The following STK3 variants were observed in gnomAD, a reference collection of about 807,000 sequenced individuals.
The protein encoded by STK3 is serine/threonine kinase 3, also known as serine/threonine-protein kinase 3.
A neutral mutation model predicts 58.0 loss-of-function variants in STK3; 41 were observed. The ratio of observed to expected loss-of-function variants is 0.71; its 90% CI spans 0.55 to 0.92. The LOEUF is 0.92. STK3 is among the 40% of genes least tolerant of loss of function. STK3 has a pLI of 0.00. For missense variants in STK3, 479 were observed against 602.7 expected, an observed-to-expected ratio of 0.79 and a Z score of 2.15; for synonymous variants, 170 against 191.0, an observed-to-expected ratio of 0.89 and a Z score of 0.91.
chr8:98,761,073 A>G (rs1349980143), intron 3 of STK3, among the ~76,000 whole-genome samples: 1 of 152,130 alleles, frequency 6.6e-6, no homozygotes. Context: ...TCATATAATT[A>G]AATAAAGAAA....
intron 4 of STK3, chr8:98,721,182 T>C (rs1827394121): frequency 1.1e-6 from 1 of 896,794 alleles, no homozygotes; most frequent in Non-Finnish European, 1.3e-6. Context: ...AATATATAAA[T>C]CAAAGATTTA....
intron 8 of STK3, among the ~76,000 whole-genome samples, chr8:98,561,766 T>G (rs1474615955): frequency 6.6e-6 from 1 of 152,168 alleles, no homozygotes; most frequent in Non-Finnish European, 1.5e-5. Context: ...GTTAAATACT[T>G]ACTTTATAAA....
upstream of STK3, chr8:98,825,804 C>G (rs1286280965): frequency 1.8e-4 from 11 of 62,836 alleles, 2 homozygotes; most frequent in African/African-American, 6.5e-4. Flanking sequence ...GGCCGCCCCG[C>G]CCCGCCCCCG....
At chr8:98,694,873 G>A (rs899722053) in intron 6 of STK3, among the ~76,000 whole-genome samples, 2 of 152,152 alleles carry the variant, frequency 1.3e-5, no homozygotes, top group Non-Finnish European at 2.9e-5. Flanking sequence ...CCCAGTAATG[G>A]GATGGCTGGG....
rs778645170 is a variant in STK3, at chr8:98,774,729, T to C, written c.107+10A>G. On this transcript the variant is annotated intron_variant, in intron 2 of 10. Transcript: ENST00000419617. ...AATTATTTACATGCTTTCATACTTT[T>C]TGTACTTACCCTTCTCCAAGCTTCT... 6.4e-7 allele frequency: 1 copy of C among 1,562,076 alleles called. No homozygotes were observed. Among genetic ancestry groups the C allele is most frequent in the Middle Eastern group, 1.7e-4 (1 of 5,918 alleles).
intron 1 of STK3, among the ~76,000 whole-genome samples, chr8:98,795,619 A>G (rs1833108543): frequency 6.6e-6 from 1 of 152,152 alleles, no homozygotes; most frequent in Non-Finnish European, 1.5e-5. Flanking sequence ...TTCACGGAAA[A>G]TATGGTTCTA....
At chr8:98,728,408 T>C (rs746059566) in intron 4 of STK3, among the ~76,000 whole-genome samples, 1 of 152,168 alleles carries the variant, frequency 6.6e-6, no homozygotes, top group Non-Finnish European at 1.5e-5. Flanking sequence ...GGATTGCACA[T>C]GTCTGGCAAG....
chr8:98,479,553 A>G lies in STK3; in HGVS notation c.1318-23553T>C, dbSNP rs561494617. 2.0e-5 allele frequency among the ~76,000 whole-genome samples: 3 copies of G among 151,330 alleles called. No individual in the cohort carries two copies. In the South Asian group the frequency reaches 6.3e-4, roughly 32 times the overall value. ...GAGTTCAGCTTTTGCTAGGTCAGAG[A>G]AAGTTCTTAACAGACTAACTCTTTT... On this transcript the variant is annotated intron_variant, in intron 10 of 10. Transcript: ENST00000419617.
At chr8:98,940,161 C>T (rs1262977654) in intron 1 of STK3, among the ~76,000 whole-genome samples, 3 of 151,986 alleles carry the variant, frequency 2.0e-5, no homozygotes, top group Non-Finnish European at 1.5e-5. Flanking sequence ...GGCCTGGAGA[C>T]CGCGGAGCCC....
At chr8:98,760,572 T>C (rs1251150563) in intron 3 of STK3, among the ~76,000 whole-genome samples, 1 of 152,184 alleles carries the variant, frequency 6.6e-6, no homozygotes, top group Non-Finnish European at 1.5e-5. Flanking sequence ...CCTTAATAAC[T>C]AGCATGCCAA....
intron 10 of STK3, among the ~76,000 whole-genome samples, chr8:98,487,546 T>C (rs936608639): frequency 6.6e-6 from 1 of 152,226 alleles, no homozygotes; most frequent in African/African-American, 2.4e-5. Flanking sequence ...CAAAACTCAG[T>C]CTAAATTTTT....
chr8:98,407,969 C>T (rs1049317876), intron 3 of STK3, among the ~76,000 whole-genome samples: 2 of 152,190 alleles, frequency 1.3e-5, no homozygotes, highest in Non-Finnish European at 2.9e-5. Flanking sequence ...CCATTATACT[C>T]GCAGTGAACC....
In STK3 at chr8:98,707,407, T is replaced by C. The variant is rs1826042000; in HGVS notation, c.352-96A>G. ...TAACAAGTATGTCTTTCCGTGTGTG[T>C]GTGTGTGTTTTTTTTTAAGAGACCC... is the stretch of plus-strand genomic sequence containing the variant. On this transcript the variant is annotated intron_variant, in intron 4 of 10. Coordinates refer to ENST00000419617, the MANE Select transcript of STK3 (RefSeq NM_006281.4). 3 of 957,466 alleles carry C rather than the reference T, an allele frequency of 3.1e-6. No homozygotes were observed. In the African/African-American group the frequency reaches 5.0e-5, roughly 16 times the overall value. The allele number at this position is 957,466 out of a possible 1,614,324, so 59.3% of individuals were successfully genotyped here. A position where few individuals can be genotyped will look rare whatever the true frequency, so the allele number is the denominator to read the frequency against.
chr8:98,617,539 G>C (rs1164846802), intron 6 of STK3, among the ~76,000 whole-genome samples: 2 of 150,896 alleles, frequency 1.3e-5, no homozygotes, highest in African/African-American at 2.4e-5. Flanking sequence ...TTTTTTGAAA[G>C]GATCAACAAA....
chr8:98,681,133 G>C (rs1470735742), intron 6 of STK3, among the ~76,000 whole-genome samples: 2 of 151,930 alleles, frequency 1.3e-5, no homozygotes, highest in Non-Finnish European at 2.9e-5. Flanking sequence ...CAAGTAGCTG[G>C]GACTACAGGC....
chr8:98,677,534 A>C (rs1823316694), intron 6 of STK3, among the ~76,000 whole-genome samples: 1 of 152,092 alleles, frequency 6.6e-6, no homozygotes, highest in Non-Finnish European at 1.5e-5. Context: ...AAGAAAGACA[A>C]AGGAGGAAGA....
chr8:98,753,740 C>A (rs1047984373), intron 3 of STK3, among the ~76,000 whole-genome samples: 33 of 150,628 alleles, frequency 2.2e-4, no homozygotes, highest in Middle Eastern at 3.4e-3. Flanking sequence ...GCAATAAATA[C>A]AAAAAAAAAT....
chr8:98,567,839 CTT>C (rs1397065476), intron 8 of STK3, among the ~76,000 whole-genome samples: 14 of 152,266 alleles, frequency 9.2e-5, no homozygotes, highest in Admixed American at 3.3e-4. Context: ...GGGCAAATCA[CTT>C]GAGGTCAGGA....
At chr8:98,716,624 A>G (rs1467049993) in intron 4 of STK3, among the ~76,000 whole-genome samples, 1 of 152,206 alleles carries the variant, frequency 6.6e-6, no homozygotes, top group Non-Finnish European at 1.5e-5. Context: ...TACAGATTCA[A>G]TGTAATCCCT....
Sources: gnomAD v4.1 joint callset for allele counts (sites outside exome capture counted in the v4.1 genomes callset) on GRCh38, gnomAD v4.1.1 for gene constraint, MANE v1.5 for transcripts, NCBI Gene and HGNC (gene_info 2026-07-23, HGNC 2026-07-21) for gene names.